The following PPP3CA variants were observed in gnomAD, a reference collection of about 807,000 sequenced individuals.
The protein encoded by PPP3CA is protein phosphatase 3 catalytic subunit alpha, also known as CAM-PRP catalytic subunit.
PPP3CA carries 14 observed loss-of-function variants against 66.5 expected under a neutral mutation model. That is an observed-to-expected ratio of 0.21 (90% CI 0.14 to 0.33). The LOEUF is 0.33. Ranked by LOEUF, PPP3CA falls within the 10% of genes least tolerant of loss-of-function variation. The pLI, the probability that PPP3CA is intolerant of heterozygous loss-of-function variation, is 1.00. For synonymous variants in PPP3CA, 232 were observed against 226.2 expected, an observed-to-expected ratio of 1.03 and a Z score of -0.23; for missense variants, 317 against 639.5, an observed-to-expected ratio of 0.50 and a Z score of 5.44.
chr4:101,080,243 T>C (rs1327247451), intron 8 of PPP3CA, among the ~76,000 whole-genome samples: 1 of 152,188 alleles, frequency 6.6e-6, no homozygotes, highest in Non-Finnish European at 1.5e-5. Flanking sequence ...TTATTTCCAA[T>C]TATTATTTCT....
At chr4:101,108,800 C>T (rs933227918) in intron 3 of PPP3CA, among the ~76,000 whole-genome samples, 154 bp downstream of exon 3, 4 of 152,084 alleles carry the variant, frequency 2.6e-5, no homozygotes, top group African/African-American at 9.7e-5. Context: ...ACATGGGAAT[C>T]AACTGAAAAT....
chr4:101,169,514 C>T (rs1170035218), intron 2 of PPP3CA, among the ~76,000 whole-genome samples: 2 of 152,118 alleles, frequency 1.3e-5, no homozygotes, highest in East Asian at 3.9e-4. Flanking sequence ...GACTTTTATC[C>T]TAAAGCTGAA....
chr4:101,112,288 C>A (rs946281028), intron 2 of PPP3CA, among the ~76,000 whole-genome samples: 1 of 152,056 alleles, frequency 6.6e-6, no homozygotes, highest in Non-Finnish European at 1.5e-5. Context: ...TTTACAAAAA[C>A]AAAATTAATC....
At chr4:101,137,324 A>G (rs1217290401) in intron 2 of PPP3CA, among the ~76,000 whole-genome samples, 6 of 152,164 alleles carry the variant, frequency 3.9e-5, no homozygotes, top group Admixed American at 3.9e-4. Context: ...TGGGGGGAGT[A>G]GTAGGGAATC....
intron 10 of PPP3CA, among the ~76,000 whole-genome samples, chr4:101,048,792 G>A (rs2110216402): frequency 6.6e-6 from 1 of 151,842 alleles, no homozygotes; most frequent in Admixed American, 6.6e-5. Context: ...TTTTTAACTT[G>A]ACTACAATCT....
At chr4:101,334,494 C>G (rs541028567) in intron 1 of PPP3CA, among the ~76,000 whole-genome samples, 148 of 152,158 alleles carry the variant, frequency 9.7e-4, no homozygotes, top group African/African-American at 3.3e-3. Flanking sequence ...TGAAAGTTAA[C>G]TCTCAAAAAG....
rs775018059 is a variant in PPP3CA, at chr4:101,106,453, G to GAAAGAAAGAAAGAAGAGAAGAGAAA, written c.384+2500_384+2501insTTTCTCTTCTCTTCTTTCTTTCTTT. Among the ~76,000 whole-genome samples, 3 of 35,512 alleles carry GAAAGAAAGAAAGAAGAGAAGAGAAA rather than the reference G, an allele frequency of 8.4e-5. 1 individual carries two copies. The highest frequency in any genetic ancestry group is 1.6e-4 in the Non-Finnish European group (3 of 19,014). The allele number at this position is 35,512 out of a possible 152,430, so 23.3% of individuals were successfully genotyped here. ...AGAAAGAAAGAAAGAAAGAAAGAAA[G>GAAAGAAAGAAAGAAGAGAAGAGAAA]AGAAAAGAAAAGAAAAGAAAAGAAA... On this transcript the variant is annotated intron_variant, in intron 3 of 13. Coordinates refer to ENST00000394854, the MANE Select transcript of PPP3CA (RefSeq NM_000944.5).
intron 12 of PPP3CA, among the ~76,000 whole-genome samples, chr4:101,030,883 C>T (rs1309601874): frequency 6.6e-6 from 1 of 151,738 alleles, no homozygotes; most frequent in Non-Finnish European, 1.5e-5. Context: ...GTAGATGGTA[C>T]ATTTTGGACA....
intron 1 of PPP3CA, among the ~76,000 whole-genome samples, chr4:101,318,343 T>C: frequency 6.6e-6 from 1 of 152,290 alleles, no homozygotes; most frequent in East Asian, 1.9e-4. Flanking sequence ...TTTTAGAAAG[T>C]AAAAATGACT....
At chr4:101,058,007 T>G (rs549194533) in intron 10 of PPP3CA, among the ~76,000 whole-genome samples, 30 of 152,136 alleles carry the variant, frequency 2.0e-4, no homozygotes, top group Non-Finnish European at 3.8e-4. Flanking sequence ...TTGTTTCTCT[T>G]TAGTTTGACT....
At chr4:101,111,000 T>C (rs1721652118) in intron 2 of PPP3CA, among the ~76,000 whole-genome samples, 1 of 152,184 alleles carries the variant, frequency 6.6e-6, no homozygotes, top group Non-Finnish European at 1.5e-5. Flanking sequence ...AAAAACTTAA[T>C]TAGCACATTT....
intron 1 of PPP3CA, among the ~76,000 whole-genome samples, chr4:101,249,405 C>T (rs1256650615): frequency 6.6e-6 from 1 of 151,830 alleles, no homozygotes; most frequent in Non-Finnish European, 1.5e-5. Context: ...TTAAAGCATC[C>T]ATTAAAAAAT....
intron 3 of PPP3CA, 94 bp downstream of exon 3, chr4:101,108,860 G>A: frequency 2.5e-6 from 3 of 1,214,000 alleles, no homozygotes; most frequent in South Asian, 2.9e-5. Context: ...CATTGTTAGA[G>A]GTTTCCATAA....
chr4:101,230,841 A>G (rs1440157806), intron 1 of PPP3CA, among the ~76,000 whole-genome samples: 2 of 151,740 alleles, frequency 1.3e-5, no homozygotes, highest in Non-Finnish European at 2.9e-5. Context: ...TGAAGACACA[A>G]TGAGGATTTC....
intron 8 of PPP3CA, among the ~76,000 whole-genome samples, chr4:101,069,585 T>G (rs1728824881): frequency 6.6e-6 from 1 of 152,092 alleles, no homozygotes; most frequent in Admixed American, 6.6e-5. Context: ...ACTATGTGCA[T>G]GTGTGCATGT....
At chr4:101,082,494 G>A (rs1729482650) in intron 7 of PPP3CA, among the ~76,000 whole-genome samples, 1 of 152,076 alleles carries the variant, frequency 6.6e-6, no homozygotes, top group Non-Finnish European at 1.5e-5. Flanking sequence ...ACTGGGAAAC[G>A]GTATCAGACC....
chr4:101,305,179 G>A (rs1205907723), intron 1 of PPP3CA, among the ~76,000 whole-genome samples: 2 of 152,204 alleles, frequency 1.3e-5, no homozygotes, highest in Admixed American at 6.5e-5. Context: ...GATCCCAGTG[G>A]TTTGGAATGG....
chr4:101,212,239 T>C (rs766417492), intron 1 of PPP3CA, among the ~76,000 whole-genome samples: 14 of 152,114 alleles, frequency 9.2e-5, no homozygotes, highest in Non-Finnish European at 1.6e-4. Flanking sequence ...TACCATCTAA[T>C]TGGTCTAACA....
chr4:101,125,108 CA>C lies in PPP3CA; in HGVS notation c.260-16031del, dbSNP rs1175561777. ...GTCTAAATGCTCGTTAGCACATAGGCAGGGGGGGTATAAGATACTATAGAAA... is the reference window on the plus strand; with the variant it reads ...GTCTAAATGCTCGTTAGCACATAGGCGGGGGGGTATAAGATACTATAGAAA... On this transcript the variant is annotated intron_variant, in intron 2 of 13. Coordinates refer to ENST00000394854, the MANE Select transcript of PPP3CA (RefSeq NM_000944.5). Among the ~76,000 whole-genome samples, 10 of 150,734 alleles carry C rather than the reference CA, an allele frequency of 6.6e-5. No individual in the cohort carries two copies. The South Asian group carries it at 1.7e-3, about 25-fold the overall frequency.
Sources: gnomAD v4.1 joint callset for allele counts (sites outside exome capture counted in the v4.1 genomes callset) on GRCh38, gnomAD v4.1.1 for gene constraint, MANE v1.5 for transcripts, NCBI Gene and HGNC (gene_info 2026-07-23, HGNC 2026-07-21) for gene names.